SEC24C: variants seen among roughly 807,000 people sequenced by gnomAD.
SEC24C encodes SEC24 homolog C, COPII component.
Under a neutral mutation model 117.0 loss-of-function variants are expected in SEC24C, and 22 were observed. The observed-to-expected ratio is 0.19, with a 90% CI of 0.13 to 0.27. The LOEUF is 0.27. Among genes scored for constraint, SEC24C ranks in the 10% least tolerant of loss-of-function variants. The pLI is 1.00. For synonymous variants in SEC24C, 506 were observed against 529.4 expected (o/e 0.96, Z 0.61); for missense variants, 1,155 against 1,375.1 (o/e 0.84, Z 2.53).
chr10:73,756,355 C>T (rs2082709703), intron 3 of SEC24C, among the ~76,000 whole-genome samples: 1 of 152,138 alleles, frequency 6.6e-6, no homozygotes, highest in Admixed American at 6.6e-5. Context: ...CTTCATTGAA[C>T]AAGCTGACTA....
chr10:73,763,944 A>G lies in SEC24C; in HGVS notation c.1188A>G (p.Ala396=), dbSNP rs375821771. Residue 396 remains alanine, a synonymous_variant, in exon 8 of 23, where the codon GCA becomes GCG. Coordinates refer to ENST00000345254, the MANE Select transcript of SEC24C (RefSeq NM_198597.3). The part of the protein sequence containing the change: ...DMAKQAQVPL[A]AVIKPLARLP... ...CTAAGCAGGCTCAGGTGCCCCTGGC[A>G]GCAGTCATCAAACCGCTGGCAAGGC... 1.2e-6 allele frequency: 2 copies of G among 1,608,222 alleles called. No homozygotes were observed. The highest frequency in any genetic ancestry group is 2.2e-5 in the South Asian group (2 of 90,072).
At chr10:73,750,952 G>GCTA (rs2082634072) in intron 2 of SEC24C, among the ~76,000 whole-genome samples, 156 bp from the exon 3 acceptor site, 1 of 152,198 alleles carries the variant, frequency 6.6e-6, no homozygotes, top group South Asian at 2.1e-4. Flanking sequence ...TACTGCTGTA[G>GCTA]CTACAGTTGT....
At chr10:73,750,456 G>A (rs2132524024) in intron 2 of SEC24C, among the ~76,000 whole-genome samples, 1 of 152,332 alleles carries the variant, frequency 6.6e-6, no homozygotes, top group South Asian at 2.1e-4. Flanking sequence ...ATGGAGTACA[G>A]CTTTTGTGAG....
rs2132579332 is a variant in SEC24C at position 73,769,257 on chromosome 10, AG to A, written c.2425-89del. 6.3e-7 allele frequency: 1 copy of A among 1,587,094 alleles called. No individual in the cohort carries two copies. Among genetic ancestry groups the A allele is most frequent in the South Asian group, 1.1e-5 (1 of 87,980 alleles). The stretch of plus-strand genomic sequence containing the variant: ...ACTAAAAGAAGAGACAGGGCACGGG[AG>A]TGGCTCATTTCTCTCTTCCAGTTTA... On this transcript the variant is annotated intron_variant, in intron 17 of 22. Coordinates refer to ENST00000345254, the MANE Select transcript of SEC24C (RefSeq NM_198597.3). The surrounding 1 kb of genome is among the most constrained non-coding windows in gnomAD (Gnocchi z 4.5).
At chr10:73,770,051 G>C (rs2082949611) in intron 20 of SEC24C, 36 bp downstream of exon 20, 2 of 1,589,748 alleles carry the variant, frequency 1.3e-6, no homozygotes, top group African/African-American at 2.7e-5. Context: ...ATCTTGCACG[G>C]AGCAAAGGGC....
rs1283085846 is a variant in SEC24C, at chr10:73,769,074, G to C, written c.2346G>C (p.Gly782=). The C allele has an allele frequency of 2.5e-6, 4 of 1,614,224 alleles. No individual in the cohort carries two copies. The highest frequency in any genetic ancestry group is 2.2e-5 in the South Asian group (2 of 91,090). Residue 782 remains glycine, a synonymous_variant, in exon 17 of 23, where the codon GGG becomes GGC. Coordinates refer to ENST00000345254, the MANE Select transcript of SEC24C (RefSeq NM_198597.3). The surrounding 1 kb of genome is among the most constrained non-coding windows in gnomAD (Gnocchi z 4.5). ...MSNTTDVELA[G]LDGDKTVTVE... is the part of the protein sequence containing the mutation. ...ACACGACAGATGTGGAGCTGGCTGG[G>C]CTAGATGGGGACAAAACAGTGACTG...
chr10:73,766,411 C>T lies in SEC24C; in HGVS notation c.1669C>T (p.His557Tyr). The T allele has an allele frequency of 6.2e-7, 1 of 1,614,036 alleles. No individual in the cohort carries two copies. The highest frequency in any genetic ancestry group is 8.5e-7 in the Non-Finnish European group (1 of 1,179,966). Residue 557 changes from histidine to tyrosine, a missense_variant, in exon 12 of 23, where the codon CAC (histidine) becomes TAC (tyrosine). Coordinates refer to ENST00000345254, the MANE Select transcript of SEC24C (RefSeq NM_198597.3). The part of the protein sequence containing the change: ...VGFVTYNKVL[H>Y]FYNVKSSLAQ... ...CTTTGTCACCTACAATAAGGTGCTC[C>T]ACTTCTATAATGTGAAGAGCTCATT...
Position 73,760,130 on chromosome 10 carries a change from G to C in SEC24C, c.594G>C (p.Gly198=), listed in dbSNP as rs766811088. The change falls in exon 5 of 23, where the codon GGG becomes GGC. Residue 198 remains glycine, a synonymous_variant. Coordinates refer to ENST00000345254, the MANE Select transcript of SEC24C (RefSeq NM_198597.3). The stretch of plus-strand genomic sequence containing the variant: ...TTAGCCAGGCCCAAGGTCATCCTGG[G>C]ATCCAGACTCCCCAGCGATCTGCCC... The part of the protein sequence containing the change: ...PPLSQAQGHP[G]IQTPQRSAPS... 6.2e-7 allele frequency: 1 copy of C among 1,614,104 alleles called. No homozygotes were observed. The highest frequency in any genetic ancestry group is 2.2e-5 in the East Asian group (1 of 44,884).
At chr10:73,760,624 T>C in intron 5 of SEC24C, 89 bp from the exon 6 acceptor site, 1 of 1,361,588 alleles carries the variant, frequency 7.3e-7, no homozygotes, top group Non-Finnish European at 1.0e-6. Context: ...CATAATTCTA[T>C]GTTTTTAGGA....
In SEC24C at chr10:73,766,069, A is replaced by G. The variant is rs1565046345; in HGVS notation, c.1483-17A>G. 6.2e-7 allele frequency: 1 copy of G among 1,609,146 alleles called. No homozygotes were observed. The highest frequency in any genetic ancestry group is 8.5e-7 in the Non-Finnish European group (1 of 1,178,748). ...GCTTACCATTCCCCCTCTCCCCAAC[A>G]TTTTCTTCCTCTGCAGAACAATAAG... On this transcript the variant is annotated splice_polypyrimidine_tract_variant and intron_variant, in intron 10 of 22. Coordinates refer to ENST00000345254, the MANE Select transcript of SEC24C (RefSeq NM_198597.3).
chr10:73,748,196 C>T (rs2082589015), intron 2 of SEC24C, among the ~76,000 whole-genome samples: 1 of 152,048 alleles, frequency 6.6e-6, no homozygotes, highest in Non-Finnish European at 1.5e-5. Context: ...AGTGCAGTGG[C>T]ACAATCTCGG....
intron 8 of SEC24C, among the ~76,000 whole-genome samples, chr10:73,764,384 C>T (rs927918047): frequency 2.0e-5 from 3 of 152,082 alleles, no homozygotes; most frequent in African/African-American, 4.8e-5. Flanking sequence ...ATTAGCCGGG[C>T]GTGGTGGCGG....
chr10:73,766,163 T>C lies in SEC24C; in HGVS notation c.1560T>C (p.Val520=). The change falls in exon 11 of 23, where the codon GTT becomes GTC. Residue 520 remains valine, a synonymous_variant. Transcript: ENST00000345254. ...ACAATGCCATCAGGACTGGTCTTGT[T>C]AGGCTCCTCTGTGAGGAGCTCAAGT... ...VSYNAIRTGL[V]RLLCEELKSL... The C allele has an allele frequency of 1.9e-6, 3 of 1,613,958 alleles. No individual in the cohort carries two copies. Among genetic ancestry groups the C allele is most frequent in the Non-Finnish European group, 2.5e-6 (3 of 1,179,968 alleles).
intron 3 of SEC24C, among the ~76,000 whole-genome samples, chr10:73,756,991 A>T (rs191007373): frequency 2.1e-4 from 27 of 130,972 alleles, no homozygotes; most frequent in Non-Finnish European, 3.7e-4. Context: ...GCTCACTGCA[A>T]CCTCCACCTC....
At chr10:73,770,047 C>G (rs1263461174) in intron 20 of SEC24C, 32 bp downstream of exon 20, 3 of 1,602,266 alleles carry the variant, frequency 1.9e-6, no homozygotes, top group Admixed American at 1.7e-5. Context: ...TGAGATCTTG[C>G]ACGGAGCAAA....
chr10:73,763,699 T>A (rs1476789599), intron 7 of SEC24C, 98 bp downstream of exon 7: 3 of 638,442 alleles, frequency 4.7e-6, no homozygotes, highest in Middle Eastern at 5.1e-4. Context: ...TTTTTTTTTT[T>A]AGTTTTTAAC....
In SEC24C at chr10:73,769,312, A is replaced by G; in HGVS notation, c.2425-35A>G. The G allele has an allele frequency of 6.2e-7, 1 of 1,610,654 alleles. No homozygotes were observed. Among genetic ancestry groups the G allele is most frequent in the African/African-American group, 1.3e-5 (1 of 74,934 alleles). On this transcript the variant is annotated intron_variant, in intron 17 of 22. Transcript: ENST00000345254. This position sits in a 1 kb window ranked among gnomAD's most constrained non-coding sequence, Gnocchi z 4.5. Reference sequence around the variant, plus strand: ...GTGTAGCAAAGGGCCTTTGTGAGGGAGGGGTGTGAGTTCCCCCTTTCTCCT... The same window carrying G: ...GTGTAGCAAAGGGCCTTTGTGAGGGGGGGGTGTGAGTTCCCCCTTTCTCCT...
chr10:73,770,118 T>G, intron 20 of SEC24C, 103 bp downstream of exon 20: 1 of 1,287,222 alleles, frequency 7.8e-7, no homozygotes, highest in Non-Finnish European at 1.1e-6. Context: ...GGAATTTGTT[T>G]TTATGTATTT....
chr10:73,745,742 G>A (rs1236154884), intron 1 of SEC24C, among the ~76,000 whole-genome samples: 2 of 151,718 alleles, frequency 1.3e-5, no homozygotes, highest in Admixed American at 6.6e-5. Context: ...TAGAGACTGG[G>A]TTTCACCGTG....
Sources: allele counts gnomAD v4.1 joint callset (sites outside exome capture counted in the v4.1 genomes callset), GRCh38; gene constraint gnomAD v4.1.1; non-coding constraint Gnocchi (gnomAD v3.1); transcripts MANE v1.5; gene names NCBI Gene and HGNC (gene_info 2026-07-23, HGNC 2026-07-21).